The following BACH2 variants were observed in gnomAD, a reference collection of about 807,000 sequenced individuals.
BACH2 encodes the protein BACH transcriptional regulator 2.
In BACH2, 5 loss-of-function variants were observed where a neutral mutation model predicts 61.8. That is an observed-to-expected ratio of 0.08 (90% CI 0.04 to 0.17). BACH2 has a LOEUF of 0.17. BACH2 is among the 10% of genes least tolerant of loss of function. The probability of loss-of-function intolerance (pLI) is 1.00; values close to 1 mark genes in which losing one functional copy is unlikely to be tolerated. For synonymous variants in BACH2, 446 were observed against 440.1 expected, an observed-to-expected ratio of 1.01 and a Z score of -0.17; for missense variants, 824 against 1,091.1, an observed-to-expected ratio of 0.76 and a Z score of 3.45.
intron 1 of BACH2, among the ~76,000 whole-genome samples, chr6:90,275,568 G>T (rs1032891994): frequency 1.3e-5 from 2 of 151,682 alleles, no homozygotes; most frequent in South Asian, 2.1e-4. Flanking sequence ...TGCGTCATGG[G>T]GGTTTGTCGT....
At chr6:89,977,733 G>A (rs1047154915) in intron 6 of BACH2, among the ~76,000 whole-genome samples, 4 of 151,992 alleles carry the variant, frequency 2.6e-5, no homozygotes, top group Non-Finnish European at 5.9e-5. Context: ...ATTTATGTTA[G>A]GTTAAGTCAT....
At chr6:90,123,992 G>A (rs181432473) in intron 4 of BACH2, among the ~76,000 whole-genome samples, 18 of 152,258 alleles carry the variant, frequency 1.2e-4, no homozygotes, top group Admixed American at 7.8e-4. Flanking sequence ...CAGACCTAGT[G>A]TGAGTCAGAG....
chr6:90,206,387 C>T (rs190553033), intron 4 of BACH2, among the ~76,000 whole-genome samples, 182 bp downstream of exon 4: 24 of 152,110 alleles, frequency 1.6e-4, no homozygotes, highest in Non-Finnish European at 2.4e-4. Flanking sequence ...CAGAGGACTA[C>T]GCAGCCAGAG....
intron 4 of BACH2, among the ~76,000 whole-genome samples, chr6:90,189,950 A>ATT (rs66901248): frequency 3.3e-5 from 5 of 149,788 alleles, no homozygotes; most frequent in Non-Finnish European, 7.4e-5. Flanking sequence ...AACTCTGAGC[A>ATT]TTTTTTTTTT....
At chr6:90,265,014 T>C (rs1159364367) in intron 2 of BACH2, among the ~76,000 whole-genome samples, 2 of 152,262 alleles carry the variant, frequency 1.3e-5, no homozygotes, top group African/African-American at 2.4e-5. Context: ...AAAAATCTTA[T>C]ACAAGCTGTT....
intron 4 of BACH2, among the ~76,000 whole-genome samples, chr6:90,155,078 T>C (rs1784951015): frequency 1.3e-5 from 2 of 152,164 alleles, no homozygotes; most frequent in Non-Finnish European, 1.5e-5. Flanking sequence ...GATCTGTAAT[T>C]TATATGGATA....
chr6:89,949,877 G>A (rs210059), intron 7 of BACH2, among the ~76,000 whole-genome samples: 29,390 of 151,820 alleles, frequency 0.19, 3,010 homozygotes, highest in East Asian at 0.25. Context: ...CTTCCTTTAC[G>A]CTGAACGGGT....
In BACH2 at chr6:89,997,610, C is replaced by T. The variant is rs908530097; in HGVS notation, c.243+10992G>A. 9.2e-5 allele frequency among the ~76,000 whole-genome samples: 14 copies of T among 152,356 alleles called. No individual in the cohort carries two copies. In the East Asian group the frequency reaches 1.9e-3, roughly 21 times the overall value. On this transcript the variant is annotated intron_variant, in intron 6 of 8. Coordinates refer to ENST00000257749, the MANE Select transcript of BACH2 (RefSeq NM_021813.4). ...GAGTGTTCATCTTTATAGAGCAAGA[C>T]GCTTGAGGGTCCTGTCTGTTAACAG...
At chr6:90,133,237 A>C (rs1403429441) in intron 4 of BACH2, among the ~76,000 whole-genome samples, 1 of 152,150 alleles carries the variant, frequency 6.6e-6, no homozygotes, top group African/African-American at 2.4e-5. Context: ...ATAAGGACTT[A>C]TTTTTATCTG....
chr6:90,006,391 C>T (rs1175699386), intron 6 of BACH2, among the ~76,000 whole-genome samples: 2 of 152,188 alleles, frequency 1.3e-5, no homozygotes, highest in Non-Finnish European at 2.9e-5. Flanking sequence ...CCCCTGGCTA[C>T]AGTGCAGCTG....
intron 4 of BACH2, among the ~76,000 whole-genome samples, chr6:90,146,806 C>G (rs1466386651): frequency 1.3e-5 from 2 of 152,164 alleles, no homozygotes; most frequent in African/African-American, 4.8e-5. Flanking sequence ...TGTAAGGAAA[C>G]TCTGGGAGTA....
chr6:90,205,028 A>G (rs536688104), intron 4 of BACH2, among the ~76,000 whole-genome samples: 1 of 152,296 alleles, frequency 6.6e-6, no homozygotes, highest in African/African-American at 2.4e-5. Flanking sequence ...TAAAACTTGC[A>G]TCTAGGGAAA....
At chr6:90,079,909 A>C (rs1376626529) in intron 5 of BACH2, among the ~76,000 whole-genome samples, 1 of 151,598 alleles carries the variant, frequency 6.6e-6, no homozygotes, top group Non-Finnish European at 1.5e-5. Context: ...TAGTGTTTGT[A>C]CTTTCATTTT....
At chr6:90,208,197 T>C (rs1343765001) in intron 3 of BACH2, among the ~76,000 whole-genome samples, 1 of 152,106 alleles carries the variant, frequency 6.6e-6, no homozygotes, top group Non-Finnish European at 1.5e-5. Context: ...AAAGCCAAAA[T>C]TGACAAATGG....
intron 5 of BACH2, among the ~76,000 whole-genome samples, chr6:90,014,821 C>G (rs1223662871): frequency 6.6e-6 from 1 of 151,900 alleles, no homozygotes; most frequent in Non-Finnish European, 1.5e-5. Context: ...CTTTGTTGCC[C>G]TGGCTGGAGT....
intron 6 of BACH2, among the ~76,000 whole-genome samples, chr6:89,969,638 T>C (rs1208637352): frequency 6.6e-6 from 1 of 152,168 alleles, no homozygotes; most frequent in African/African-American, 2.4e-5. Context: ...CTCTGCCATA[T>C]GCACCTGGGA....
intron 4 of BACH2, among the ~76,000 whole-genome samples, chr6:90,142,888 A>G (rs543890585): frequency 6.6e-6 from 1 of 152,364 alleles, no homozygotes; most frequent in South Asian, 2.1e-4. Flanking sequence ...TACAAATAAT[A>G]CATTGGACAT....
intron 4 of BACH2, among the ~76,000 whole-genome samples, chr6:90,102,774 G>C (rs564063105): frequency 6.9e-6 from 1 of 144,972 alleles, no homozygotes; most frequent in African/African-American, 2.5e-5. Flanking sequence ...TGGGCAACAA[G>C]AGCGAAACTC....
chr6:90,055,390 G>C (rs540332919), intron 5 of BACH2, among the ~76,000 whole-genome samples: 136 of 152,174 alleles, frequency 8.9e-4, no homozygotes, highest in Non-Finnish European at 1.4e-3. Context: ...AAGACAAAAT[G>C]AATGAAATGA....
Sources: gnomAD v4.1 joint callset for allele counts (sites outside exome capture counted in the v4.1 genomes callset) on GRCh38, gnomAD v4.1.1 for gene constraint, MANE v1.5 for transcripts, NCBI Gene and HGNC (gene_info 2026-07-23, HGNC 2026-07-21) for gene names.